Variants in FAM193A observed in about 807,000 individuals in gnomAD.
The protein encoded by FAM193A is family with sequence similarity 193 member A.
FAM193A carries 22 observed loss-of-function variants against 126.5 expected under a neutral mutation model. The ratio of observed to expected loss-of-function variants is 0.17; its 90% CI spans 0.12 to 0.25. The LOEUF is 0.25. Among genes scored for constraint, FAM193A ranks in the 10% least tolerant of loss-of-function variants. The pLI is 1.00. For missense variants in FAM193A, 1,675 were observed against 1,672.8 expected (o/e 1.00, Z -0.02); for synonymous variants, 761 against 646.8 (o/e 1.18, Z -2.68).
intron 1 of FAM193A, among the ~76,000 whole-genome samples, chr4:2,588,042 A>G (rs1387348491): frequency 6.6e-6 from 1 of 152,172 alleles, no homozygotes; most frequent in Non-Finnish European, 1.5e-5. Flanking sequence ...TGTGAAAACT[A>G]CTGCCAAGTG....
intron 1 of FAM193A, among the ~76,000 whole-genome samples, chr4:2,556,675 C>G (rs1378139653): frequency 2.0e-5 from 3 of 152,080 alleles, no homozygotes; most frequent in East Asian, 1.9e-4. Flanking sequence ...GAACAAGACC[C>G]TGTCTCAAAA....
chr4:2,574,146 T>C (rs775032407), intron 1 of FAM193A, among the ~76,000 whole-genome samples: 1 of 152,128 alleles, frequency 6.6e-6, no homozygotes, highest in South Asian at 2.1e-4. Flanking sequence ...GGGTAAAGGC[T>C]GGAGCAGGAA....
rs773334552 is a variant in FAM193A, at chr4:2,699,969, A to T, written c.3797A>T (p.Gln1266Leu). ...SGNIHNGSLE[Q>L]TEEPETSSHS... ...AACATCCACAATGGCTCACTAGAGC[A>T]AACTGAAGAACCAGAAACCTCTTCT... is the stretch of plus-strand genomic sequence containing the variant. Residue 1266 changes from glutamine to leucine, a missense_variant, in exon 19 of 21, where the codon CAA becomes CTA. Gln to Leu is a moderately radical substitution (Grantham distance 113). Coordinates refer to ENST00000637812, the MANE Select transcript of FAM193A (RefSeq NM_001366318.2). The T allele has an allele frequency of 1.9e-6, 3 of 1,614,076 alleles. No individual in the cohort carries two copies. Among genetic ancestry groups the T allele is most frequent in the Non-Finnish European group, 2.5e-6 (3 of 1,180,010 alleles).
chr4:2,686,140 T>G (rs1041127376), intron 13 of FAM193A, among the ~76,000 whole-genome samples: 16 of 152,246 alleles, frequency 1.1e-4, no homozygotes, highest in Non-Finnish European at 1.3e-4. Flanking sequence ...AGTAGGCATC[T>G]TCTGCAAAAG....
At chr4:2,609,509 A>G (rs1741732789) in intron 2 of FAM193A, among the ~76,000 whole-genome samples, 1 of 152,166 alleles carries the variant, frequency 6.6e-6, no homozygotes, top group Admixed American at 6.5e-5. Flanking sequence ...TTATTCTCAT[A>G]TATCATATTA....
At chr4:2,585,949 A>G (rs1740210308) in intron 1 of FAM193A, among the ~76,000 whole-genome samples, 1 of 151,998 alleles carries the variant, frequency 6.6e-6, no homozygotes, top group Non-Finnish European at 1.5e-5. Context: ...TAATTTTTAA[A>G]TAGTTGAATC....
At chr4:2,621,310 A>C (rs1396111233) in intron 2 of FAM193A, among the ~76,000 whole-genome samples, 1 of 152,148 alleles carries the variant, frequency 6.6e-6, no homozygotes, top group Non-Finnish European at 1.5e-5. Context: ...GTGGATTTGG[A>C]GTTGAGAGGC....
At chr4:2,590,490 A>ATT (rs1740489474) in intron 1 of FAM193A, among the ~76,000 whole-genome samples, 1 of 101,706 alleles carries the variant, frequency 9.8e-6, no homozygotes, top group African/African-American at 6.8e-5. Flanking sequence ...AAAAAACAAA[A>ATT]AAAAACAAAA....
rs1717579189 is a variant in FAM193A, at chr4:2,700,379, C to G, written c.4207C>G (p.Leu1403Val). ...CAGTAATAACAATAACAAAAAGCAGCTGAACCACATCAAGGACGAAAAGTC... is the reference window on the plus strand; with the variant it reads ...CAGTAATAACAATAACAAAAAGCAGGTGAACCACATCAAGGACGAAAAGTC... ...VNSNNNNKKQ[L>V]NHIKDEKSNP... The change falls in exon 19 of 21, where the codon CTG (leucine) becomes GTG (valine). Residue 1403 changes from leucine to valine, a missense_variant. By Grantham distance (32) the Leu-to-Val change is conservative. This residue lies in a region of FAM193A where 415 missense variants were observed against 396.7 expected (regional missense o/e 1.05). Transcript: ENST00000637812. 6.2e-7 allele frequency: 1 copy of G among 1,614,142 alleles called. No individual in the cohort carries two copies. Among genetic ancestry groups the G allele is most frequent in the East Asian group, 2.2e-5 (1 of 44,860 alleles).
chr4:2,597,651 G>A (rs77237641), intron 2 of FAM193A, among the ~76,000 whole-genome samples: 4,563 of 152,256 alleles, frequency 0.03, 241 homozygotes, highest in African/African-American at 0.1. Context: ...GTGACCTTGG[G>A]AACAGCAGAG....
intron 6 of FAM193A, among the ~76,000 whole-genome samples, chr4:2,641,290 A>G (rs1229379356): frequency 6.6e-6 from 1 of 151,400 alleles, no homozygotes; most frequent in African/African-American, 2.4e-5. Context: ...CAAGTGATCC[A>G]CCTGCCTCAG....
intron 19 of FAM193A, among the ~76,000 whole-genome samples, chr4:2,707,367 G>A (rs1227891274): frequency 1.3e-5 from 2 of 151,966 alleles, no homozygotes; most frequent in African/African-American, 2.4e-5. Flanking sequence ...TAATTTAAAT[G>A]GGATCTTCTC....
chr4:2,560,886 G>A (rs1738570160), intron 1 of FAM193A, among the ~76,000 whole-genome samples: 1 of 152,124 alleles, frequency 6.6e-6, no homozygotes, highest in African/African-American at 2.4e-5. Context: ...GGGCTCAAGT[G>A]ATTCACCTCA....
chr4:2,696,708 G>C, intron 18 of FAM193A, 115 bp downstream of exon 18: 2 of 720,998 alleles, frequency 2.8e-6, no homozygotes, highest in Non-Finnish European at 2.3e-6. Context: ...TCTGACGTGT[G>C]TTCACTTGCC....
chr4:2,649,621 A>G (rs889883974), intron 7 of FAM193A, among the ~76,000 whole-genome samples: 2 of 152,080 alleles, frequency 1.3e-5, no homozygotes, highest in Admixed American at 6.6e-5. Flanking sequence ...GTGGTGAGCT[A>G]TGATCATGCC....
At chr4:2,621,992 C>T (rs1220518212) in intron 2 of FAM193A, among the ~76,000 whole-genome samples, 6 of 152,056 alleles carry the variant, frequency 3.9e-5, no homozygotes, top group African/African-American at 1.2e-4. Flanking sequence ...TGGTGGCTCA[C>T]GCCTGTAATC....
intron 13 of FAM193A, among the ~76,000 whole-genome samples, chr4:2,687,088 C>G (rs558048571): frequency 4.6e-5 from 7 of 152,096 alleles, no homozygotes; most frequent in Non-Finnish European, 8.8e-5. Context: ...CTCCTCTCCC[C>G]CTTTGCCTTC....
chr4:2,652,298 A>C (rs1317426541), intron 7 of FAM193A, among the ~76,000 whole-genome samples: 1 of 151,516 alleles, frequency 6.6e-6, no homozygotes, highest in African/African-American at 2.4e-5. Flanking sequence ...TCTGAATGGA[A>C]CTCCCACCTC....
chr4:2,570,159 A>G (rs1739206720), intron 1 of FAM193A, among the ~76,000 whole-genome samples: 1 of 151,920 alleles, frequency 6.6e-6, no homozygotes, highest in African/African-American at 2.4e-5. Context: ...AGAATCCGGG[A>G]TTCTGGACAG....
Sources: gnomAD v4.1 joint callset for allele counts (sites outside exome capture counted in the v4.1 genomes callset) on GRCh38, gnomAD v4.1.1 for gene constraint, gnomAD v4.1.1 regional missense constraint, MANE v1.5 for transcripts, NCBI Gene and HGNC (gene_info 2026-07-23, HGNC 2026-07-21) for gene names.